CRK: variants seen among roughly 807,000 people sequenced by gnomAD.
The protein encoded by CRK is adapter molecule crk.
A neutral mutation model predicts 29.8 loss-of-function variants in CRK; 4 were observed. The ratio of observed to expected loss-of-function variants is 0.13; its 90% confidence interval spans 0.07 to 0.31. The LOEUF (loss-of-function observed/expected upper bound fraction) is 0.31. CRK is among the 10% of genes least tolerant of loss of function. CRK has a pLI of 1.00. For missense variants in CRK, 274 were observed against 396.5 expected (o/e 0.69, Z 2.62); for synonymous variants, 153 against 164.9 (o/e 0.93, Z 0.55).
chr17:1,446,549 T>C (rs1247610108), intron 1 of CRK, among the ~76,000 whole-genome samples: 1 of 151,456 alleles, frequency 6.6e-6, no homozygotes, highest in Non-Finnish European at 1.5e-5. Flanking sequence ...AATTCTCTTC[T>C]TGGTCAAATG....
At chr17:1,442,299 C>T (rs1159003859) in intron 1 of CRK, among the ~76,000 whole-genome samples, 2 of 151,902 alleles carry the variant, frequency 1.3e-5, no homozygotes, top group Admixed American at 6.6e-5. Flanking sequence ...GGACTATAGG[C>T]GCACACCACA....
intron 2 of CRK, among the ~76,000 whole-genome samples, chr17:1,434,898 T>G (rs2073875743): frequency 6.6e-6 from 1 of 152,160 alleles, no homozygotes. Context: ...TTAATGAGAT[T>G]TGTGTTTCAC....
chr17:1,428,990 C>T lies in CRK; in HGVS notation c.778-5340G>A, dbSNP rs193007134. On this transcript the variant is annotated intron_variant, in intron 2 of 2. Transcript: ENST00000300574. ...CCTCCTGAGTAGCTGGGATTACTGG[C>T]GCACGCCACCACGTCCGGCTAATTT... 1.2e-3 allele frequency among the ~76,000 whole-genome samples: 176 copies of T among 151,744 alleles called. 1 individual carries two copies. The highest frequency in any genetic ancestry group is 4.0e-3 in the African/African-American group (164 of 41,366).
chr17:1,454,105 T>C (rs2150916094), intron 1 of CRK, among the ~76,000 whole-genome samples: 1 of 150,920 alleles, frequency 6.6e-6, no homozygotes, highest in South Asian at 2.1e-4. Flanking sequence ...CTCAGGAGGC[T>C]GAGGCAGAAT....
At chr17:1,432,476 TAA>T (rs59669841) in intron 2 of CRK, among the ~76,000 whole-genome samples, 20 of 100,914 alleles carry the variant, frequency 2.0e-4, no homozygotes, top group African/African-American at 2.9e-4. Flanking sequence ...GACCTTGTCT[TAA>T]AAAAAAAAAA....
chr17:1,426,794 G>C (rs7218940), intron 2 of CRK, among the ~76,000 whole-genome samples: 21,910 of 151,862 alleles, frequency 0.14, 2,072 homozygotes, highest in African/African-American at 0.26. Flanking sequence ...CCTGGGAAGA[G>C]GAGGTTGCAG....
chr17:1,454,343 C>T (rs1483965399), intron 1 of CRK, among the ~76,000 whole-genome samples: 1 of 152,220 alleles, frequency 6.6e-6, no homozygotes, highest in Non-Finnish European at 1.5e-5. Flanking sequence ...GAGTTCGAGA[C>T]CAGCCTGGCC....
chr17:1,440,660 C>T (rs1488615853), intron 1 of CRK, among the ~76,000 whole-genome samples: 1 of 152,024 alleles, frequency 6.6e-6, no homozygotes, highest in Non-Finnish European at 1.5e-5. Flanking sequence ...CACCTGTAAT[C>T]CCAGCACTTT....
At chr17:1,454,016 C>T (rs1190710694) in intron 1 of CRK, among the ~76,000 whole-genome samples, 2 of 151,968 alleles carry the variant, frequency 1.3e-5, no homozygotes, top group African/African-American at 4.8e-5. Flanking sequence ...ATCTGGCCAA[C>T]CTGGTAAAAC....
chr17:1,440,640 A>G (rs1036935172), intron 1 of CRK, among the ~76,000 whole-genome samples: 2 of 151,414 alleles, frequency 1.3e-5, no homozygotes, highest in African/African-American at 4.9e-5. Flanking sequence ...CAAGCCGGGC[A>G]CGTGGCTCAC....
Position 1,442,528 on chromosome 17 carries a change from T to A in CRK, c.242-5373A>T, listed in dbSNP as rs555835474. Among the ~76,000 whole-genome samples, 7 of 151,948 alleles carry A rather than the reference T, an allele frequency of 4.6e-5. No homozygotes were observed. In the East Asian group the frequency reaches 1.3e-3, roughly 29 times the overall value. On this transcript the variant is annotated intron_variant, in intron 1 of 2. Transcript: ENST00000300574. ...CATCCAGCCTATTATTAATTTTAATTATATGTGAGCCACTGCATCCAGCCA... is the reference window on the plus strand; with the variant it reads ...CATCCAGCCTATTATTAATTTTAATAATATGTGAGCCACTGCATCCAGCCA...
intron 1 of CRK, among the ~76,000 whole-genome samples, chr17:1,441,905 GA>G (rs1371509854): frequency 7.2e-5 from 11 of 152,014 alleles, no homozygotes; most frequent in Non-Finnish European, 1.5e-4. Flanking sequence ...GCCCAGGCTG[GA>G]GTGCAGTGGC....
chr17:1,425,088 T>G (rs1380917435), intron 2 of CRK, among the ~76,000 whole-genome samples: 2 of 151,422 alleles, frequency 1.3e-5, no homozygotes, highest in Admixed American at 6.6e-5. Flanking sequence ...AATATAAAGG[T>G]TTTTTTTGTT....
intron 1 of CRK, among the ~76,000 whole-genome samples, chr17:1,442,885 G>A (rs984364260): frequency 9.2e-5 from 14 of 151,606 alleles, no homozygotes; most frequent in African/African-American, 3.1e-4. Context: ...GGGATGACAG[G>A]CGTGAGCCAC....
At chr17:1,427,833 C>T (rs1243653469) in intron 2 of CRK, among the ~76,000 whole-genome samples, 1 of 151,804 alleles carries the variant, frequency 6.6e-6, no homozygotes, top group African/African-American at 2.4e-5. Flanking sequence ...CGGGGTCTCA[C>T]CATGCTGGGC....
chr17:1,425,098 T>G (rs2073765448), intron 2 of CRK, among the ~76,000 whole-genome samples: 1 of 151,924 alleles, frequency 6.6e-6, no homozygotes, highest in Non-Finnish European at 1.5e-5. Flanking sequence ...TTTTTTTTGT[T>G]TGTTTTTTTA....
Position 1,456,195 on chromosome 17 carries a change from A to C in CRK, c.-78T>G. The C allele has an allele frequency of 7.4e-7, 1 of 1,353,926 alleles. No individual in the cohort carries two copies. The highest frequency in any genetic ancestry group is 3.2e-5 in the East Asian group (1 of 31,700). The allele number at this position is 1,353,926 out of a possible 1,614,324, so 83.9% of individuals were successfully genotyped here. On this transcript the variant is annotated 5_prime_UTR_variant, in exon 1 of 3. Coordinates refer to ENST00000300574, the MANE Select transcript of CRK (RefSeq NM_016823.4). Reference sequence around the variant, plus strand: ...GCCCCCGGCGCCCGCCGCCCAGCGGACCGGCTCCGGTTTCAGCTTCACAGC... The same window carrying C: ...GCCCCCGGCGCCCGCCGCCCAGCGGCCCGGCTCCGGTTTCAGCTTCACAGC...
intron 2 of CRK, among the ~76,000 whole-genome samples, chr17:1,436,365 G>A (rs1402724059): frequency 7.9e-5 from 12 of 152,146 alleles, no homozygotes; most frequent in Non-Finnish European, 1.5e-5. Flanking sequence ...AATTCAGGTG[G>A]TGTTATTAAA....
intron 1 of CRK, among the ~76,000 whole-genome samples, chr17:1,455,523 G>T (rs2074049325): frequency 6.6e-6 from 1 of 152,210 alleles, no homozygotes; most frequent in South Asian, 2.1e-4. Context: ...CCGCTGCCAA[G>T]TGATGCCCCC....
Sources: allele counts gnomAD v4.1 joint callset (sites outside exome capture counted in the v4.1 genomes callset), GRCh38; gene constraint gnomAD v4.1.1; transcripts MANE v1.5; gene names NCBI Gene and HGNC (gene_info 2026-07-23, HGNC 2026-07-21).